The following MAGI2 variants were observed in gnomAD, a reference collection of about 807,000 sequenced individuals.
The protein encoded by MAGI2 is membrane associated guanylate kinase, WW and PDZ domain containing 2.
MAGI2 carries 35 observed loss-of-function variants against 133.3 expected under a neutral mutation model. The observed-to-expected ratio is 0.26, with a 90% CI of 0.20 to 0.35. MAGI2 has a LOEUF of 0.35. MAGI2 is among the 10% of genes least tolerant of loss of function. MAGI2 has a pLI of 1.00. For synonymous variants in MAGI2, 729 were observed against 710.6 expected (o/e 1.03, Z -0.41); for missense variants, 1,636 against 1,863.4 (o/e 0.88, Z 2.25).
intron 1 of MAGI2, among the ~76,000 whole-genome samples, chr7:79,233,921 A>AGCGGCTGGGT (rs1286924786): frequency 2.0e-5 from 3 of 150,932 alleles, no homozygotes; most frequent in African/African-American, 4.9e-5. Context: ...TTGATTTTGC[A>AGCGGCTGGGT]GCGGCTAGTA....
chr7:78,647,253 A>T (rs1433097581), intron 2 of MAGI2, among the ~76,000 whole-genome samples: 1 of 152,228 alleles, frequency 6.6e-6, no homozygotes, highest in Non-Finnish European at 1.5e-5. Context: ...TAAACATCTG[A>T]CAAAGGGCTA....
chr7:78,687,969 TAAAAAAAAAAAAA>T (rs72030909), intron 2 of MAGI2, among the ~76,000 whole-genome samples: 58 of 67,250 alleles, frequency 8.6e-4, no homozygotes, highest in African/African-American at 1.7e-3. Context: ...GTCCTTGCCT[TAAAAAAAAAAAAA>T]AAAAAAAAAA....
chr7:79,198,805 T>C (rs1828330205), intron 1 of MAGI2, among the ~76,000 whole-genome samples: 1 of 151,972 alleles, frequency 6.6e-6, no homozygotes, highest in Admixed American at 6.6e-5. Context: ...GGAGAATCGC[T>C]TGAACCCAAG....
intron 21 of MAGI2, among the ~76,000 whole-genome samples, chr7:78,077,016 G>A (rs1815398888): frequency 6.6e-6 from 1 of 152,178 alleles, no homozygotes; most frequent in South Asian, 2.1e-4. Flanking sequence ...AGGCTGATCA[G>A]TAGTATGTTC....
At chr7:79,058,533 C>A (rs1186349513) in intron 1 of MAGI2, among the ~76,000 whole-genome samples, 1 of 152,066 alleles carries the variant, frequency 6.6e-6, no homozygotes, top group Admixed American at 6.6e-5. Flanking sequence ...TACCCTCATG[C>A]CCACACGTAG....
At chr7:78,965,247 A>G (rs1803209598) in intron 2 of MAGI2, among the ~76,000 whole-genome samples, 1 of 151,774 alleles carries the variant, frequency 6.6e-6, no homozygotes, top group South Asian at 2.1e-4. Context: ...TAAAGAATAA[A>G]ATTAATTTAA....
intron 14 of MAGI2, among the ~76,000 whole-genome samples, chr7:78,172,378 A>C (rs1448111408): frequency 1.3e-5 from 2 of 151,926 alleles, no homozygotes. Context: ...TGTGCACCAC[A>C]CTCCTGTGCC....
intron 2 of MAGI2, among the ~76,000 whole-genome samples, chr7:78,909,260 C>T (rs1207669323): frequency 1.3e-5 from 2 of 151,850 alleles, no homozygotes; most frequent in African/African-American, 4.8e-5. Context: ...AAAACCACCA[C>T]AATGAGGTAC....
chr7:78,776,052 C>G (rs1213990582), intron 2 of MAGI2, among the ~76,000 whole-genome samples: 1 of 152,192 alleles, frequency 6.6e-6, no homozygotes, highest in Non-Finnish European at 1.5e-5. Flanking sequence ...CATCCAAACT[C>G]TCTGTACCTC....
In MAGI2 at chr7:79,252,683, C is replaced by T. The variant is rs541453244; in HGVS notation, c.301+200337G>A. ...CCATTTACCTTCATGTACTATTACA[C>T]GTTGTATGCCTGTATCAATGTATCT... On this transcript the variant is annotated intron_variant, in intron 1 of 21. Coordinates refer to ENST00000354212, the MANE Select transcript of MAGI2 (RefSeq NM_012301.4). Among the ~76,000 whole-genome samples, 58 of 152,172 alleles carry T rather than the reference C, an allele frequency of 3.8e-4. 5 individuals carry two copies. In the South Asian group the frequency reaches 0.012, roughly 31 times the overall value.
At chr7:78,120,365 T>C (rs984428439) in intron 20 of MAGI2, among the ~76,000 whole-genome samples, 15 of 152,162 alleles carry the variant, frequency 9.9e-5, no homozygotes, top group Non-Finnish European at 1.8e-4. Context: ...ATTGTGCCAC[T>C]GCACTCCAGC....
At chr7:79,026,913 C>T (rs185875275) in intron 1 of MAGI2, among the ~76,000 whole-genome samples, 189 of 151,332 alleles carry the variant, frequency 1.2e-3, no homozygotes, top group African/African-American at 4.4e-3. Flanking sequence ...GCTGAATAGA[C>T]ATTTCTCAAA....
chr7:78,807,236 G>A (rs1036844639), intron 2 of MAGI2, among the ~76,000 whole-genome samples: 3 of 151,842 alleles, frequency 2.0e-5, no homozygotes, highest in African/African-American at 7.3e-5. Context: ...GCAGATTATA[G>A]CTATTGATAT....
At chr7:78,895,339 T>A (rs967593512) in intron 2 of MAGI2, among the ~76,000 whole-genome samples, 1 of 152,158 alleles carries the variant, frequency 6.6e-6, no homozygotes, top group Non-Finnish European at 1.5e-5. Context: ...AACAAATTTT[T>A]TTTCTTTATA....
chr7:78,634,016 C>T (rs1809353434), intron 2 of MAGI2, among the ~76,000 whole-genome samples: 1 of 152,080 alleles, frequency 6.6e-6, no homozygotes, highest in Non-Finnish European at 1.5e-5. Flanking sequence ...TGGTATCTTA[C>T]TTTTGGAGTG....
chr7:79,002,608 TCTG>T (rs1584637412), intron 2 of MAGI2, among the ~76,000 whole-genome samples: 1 of 152,008 alleles, frequency 6.6e-6, no homozygotes, highest in East Asian at 1.9e-4. Flanking sequence ...GAAAAGTATA[TCTG>T]GGAGATAAAA....
chr7:78,239,144 T>G (rs1231938305), intron 10 of MAGI2, among the ~76,000 whole-genome samples: 4 of 152,178 alleles, frequency 2.6e-5, no homozygotes, highest in Non-Finnish European at 5.9e-5. Flanking sequence ...TGACAAAGTT[T>G]CCAGGAAAAT....
chr7:78,832,161 G>GA (rs139908004), intron 2 of MAGI2, among the ~76,000 whole-genome samples: 56 of 145,608 alleles, frequency 3.8e-4, no homozygotes, highest in African/African-American at 1.2e-3. Flanking sequence ...ATTCTCTGAA[G>GA]AAAAAAAAAA....
At chr7:79,442,819 T>G (rs1045268590) in intron 1 of MAGI2, among the ~76,000 whole-genome samples, 2 of 152,068 alleles carry the variant, frequency 1.3e-5, no homozygotes, top group African/African-American at 4.8e-5. Flanking sequence ...ATGTTCAGGG[T>G]GTTTTTAGAA....
Sources: gnomAD v4.1 joint callset for allele counts (sites outside exome capture counted in the v4.1 genomes callset) on GRCh38, gnomAD v4.1.1 for gene constraint, MANE v1.5 for transcripts, NCBI Gene and HGNC (gene_info 2026-07-23, HGNC 2026-07-21) for gene names.